The following FAM171A1 variants were observed in gnomAD, a reference collection of about 807,000 sequenced individuals.
FAM171A1 encodes the protein family with sequence similarity 171 member A1.
FAM171A1 carries 23 observed loss-of-function variants against 74.9 expected under a neutral mutation model. The observed-to-expected ratio is 0.31, with a 90% CI of 0.22 to 0.44. FAM171A1 has a LOEUF of 0.44. Ranked by LOEUF, FAM171A1 falls within the 20% of genes least tolerant of loss-of-function variation. The pLI, the probability that FAM171A1 is intolerant of heterozygous loss-of-function variation, is 1.00. For missense variants in FAM171A1, 1,162 were observed against 1,159.2 expected (o/e 1.00, Z -0.03); for synonymous variants, 527 against 505.7 (o/e 1.04, Z -0.57).
At chr10:15,268,018 G>T (rs1292828589) in intron 3 of FAM171A1, among the ~76,000 whole-genome samples, 2 of 152,202 alleles carry the variant, frequency 1.3e-5, no homozygotes, top group African/African-American at 2.4e-5. Flanking sequence ...CCGACAGTGA[G>T]CACGTGGGCC....
chr10:15,257,059 C>T (rs1168098829), intron 3 of FAM171A1, among the ~76,000 whole-genome samples: 2 of 152,006 alleles, frequency 1.3e-5, no homozygotes, highest in African/African-American at 4.8e-5. Context: ...TGTGTAGAAG[C>T]CTGGGTCTCA....
intron 1 of FAM171A1, among the ~76,000 whole-genome samples, chr10:15,332,797 A>G (rs1291157850): frequency 6.6e-6 from 1 of 152,146 alleles, no homozygotes; most frequent in Non-Finnish European, 1.5e-5. Context: ...TGGGTATTCT[A>G]TGAGGAAAGC....
chr10:15,312,079 T>C (rs944325718), intron 1 of FAM171A1, among the ~76,000 whole-genome samples: 1 of 152,320 alleles, frequency 6.6e-6, no homozygotes, highest in Admixed American at 6.5e-5. Context: ...AGAGCTGAGA[T>C]TCAAGCGTGC....
At chr10:15,248,168 G>T (rs1228056339) in intron 5 of FAM171A1, among the ~76,000 whole-genome samples, 2 of 152,126 alleles carry the variant, frequency 1.3e-5, no homozygotes, top group African/African-American at 4.8e-5. Context: ...GCCCTAGAAG[G>T]ACAGAATTCA....
intron 3 of FAM171A1, among the ~76,000 whole-genome samples, chr10:15,259,335 C>A (rs185797970): frequency 6.6e-4 from 100 of 152,300 alleles, no homozygotes; most frequent in Non-Finnish European, 1.3e-3. Context: ...TTCAGCCTCA[C>A]TCCCTTTTCA....
intron 1 of FAM171A1, among the ~76,000 whole-genome samples, chr10:15,345,258 G>A (rs1835805172): frequency 6.6e-6 from 1 of 152,234 alleles, no homozygotes; most frequent in African/African-American, 2.4e-5. Context: ...CTGGCCCTAA[G>A]GAGAGACAGA....
intron 1 of FAM171A1, among the ~76,000 whole-genome samples, chr10:15,315,702 G>A (rs571706826): frequency 4.5e-4 from 69 of 152,128 alleles, no homozygotes; most frequent in African/African-American, 1.3e-3. Flanking sequence ...GAAAGCCATC[G>A]CCTTACCTCC....
At chr10:15,313,264 A>G (rs1588548494) in intron 1 of FAM171A1, among the ~76,000 whole-genome samples, 1 of 152,236 alleles carries the variant, frequency 6.6e-6, no homozygotes, top group Non-Finnish European at 1.5e-5. Context: ...CTCAGGAGGA[A>G]AAACTCCAGC....
chr10:15,269,975 A>G lies in FAM171A1; in HGVS notation c.418+5880T>C, dbSNP rs189965037. Among the ~76,000 whole-genome samples, 141 of 152,316 alleles carry G rather than the reference A, an allele frequency of 9.3e-4. 1 individual carries two copies. Among genetic ancestry groups the G allele is most frequent in the Admixed American group, 8.4e-3 (129 of 15,300 alleles). ...GCTCCAGTCTACAGCTCCCAAGGTG[A>G]GCGATGCAGAAGACGGGTGATTTCT... On this transcript the variant is annotated intron_variant, in intron 3 of 7. Transcript: ENST00000378116.
intron 3 of FAM171A1, among the ~76,000 whole-genome samples, chr10:15,268,587 C>A (rs537890898): frequency 6.6e-6 from 1 of 152,078 alleles, no homozygotes; most frequent in East Asian, 1.9e-4. Context: ...AGGCGTCATC[C>A]AAGGCCCCAT....
intron 3 of FAM171A1, among the ~76,000 whole-genome samples, chr10:15,267,889 G>GAACAA (rs1834767950): frequency 1.3e-5 from 1 of 75,158 alleles, no homozygotes; most frequent in Non-Finnish European, 3.0e-5. Flanking sequence ...ACACCTCACA[G>GAACAA]TGCTGCTCCC....
In FAM171A1 at chr10:15,241,033, TAAACAAAC is replaced by T. The variant is rs77917786; in HGVS notation, c.754+7598_754+7605del. 451 of 151,240 alleles carry T rather than the reference TAAACAAAC, an allele frequency of 3.0e-3. 2 individuals carry two copies. The highest frequency in any genetic ancestry group is 6.0e-3 in the African/African-American group (249 of 41,266). The allele number at this position is 151,240 out of a possible 1,614,324, so 9.4% of individuals were successfully genotyped here. A position where few individuals can be genotyped will look rare whatever the true frequency, so the allele number is the denominator to read the frequency against. On this transcript the variant is annotated intron_variant, in intron 5 of 7. Transcript: ENST00000378116. ...GGGTGACAGAGCAGGACCCCTTCTT[TAAACAAAC>T]AAACAAACAAACAAACAAACACAAA...
At chr10:15,308,004 G>A (rs999059726) in intron 1 of FAM171A1, among the ~76,000 whole-genome samples, 1 of 151,964 alleles carries the variant, frequency 6.6e-6, no homozygotes, top group Non-Finnish European at 1.5e-5. Context: ...TAGAGATGAG[G>A]TCTAGCTATG....
At chr10:15,232,438 G>C (rs959280279) in intron 5 of FAM171A1, among the ~76,000 whole-genome samples, 2 of 152,154 alleles carry the variant, frequency 1.3e-5, no homozygotes, top group Non-Finnish European at 2.9e-5. Context: ...TCCCCAGCTT[G>C]TTTCGCCATT....
At chr10:15,220,665 G>C (rs1033865650) in intron 6 of FAM171A1, among the ~76,000 whole-genome samples, 2 of 152,020 alleles carry the variant, frequency 1.3e-5, no homozygotes, top group African/African-American at 4.8e-5. Flanking sequence ...GTCTCTGTGG[G>C]CTTTTGATGA....
chr10:15,366,675 TAG>T (rs2131894613), intron 1 of FAM171A1, among the ~76,000 whole-genome samples: 1 of 152,360 alleles, frequency 6.6e-6, no homozygotes, highest in East Asian at 1.9e-4. Context: ...CTCCTCTCTC[TAG>T]ATCTCTGAAA....
intron 6 of FAM171A1, among the ~76,000 whole-genome samples, chr10:15,218,511 T>C (rs1166876030): frequency 6.6e-6 from 1 of 152,206 alleles, no homozygotes; most frequent in Non-Finnish European, 1.5e-5. Flanking sequence ...CCAATATTAG[T>C]ATAATTTTTT....
chr10:15,357,166 C>G (rs998842859), intron 1 of FAM171A1, among the ~76,000 whole-genome samples: 2 of 151,960 alleles, frequency 1.3e-5, no homozygotes, highest in Non-Finnish European at 2.9e-5. Context: ...GCCTGTAATC[C>G]CAGCTACTCG....
chr10:15,361,601 T>C (rs1023825533), intron 1 of FAM171A1, among the ~76,000 whole-genome samples: 45 of 152,200 alleles, frequency 3.0e-4, no homozygotes, highest in African/African-American at 1.0e-3. Context: ...GAGAATCGCT[T>C]GAACTCAGGA....
Sources: gnomAD v4.1 joint callset for allele counts (sites outside exome capture counted in the v4.1 genomes callset) on GRCh38, gnomAD v4.1.1 for gene constraint, MANE v1.5 for transcripts, NCBI Gene and HGNC (gene_info 2026-07-23, HGNC 2026-07-21) for gene names.